The following SEMA3G variants were observed in gnomAD, a reference collection of about 807,000 sequenced individuals.
The protein encoded by SEMA3G is semaphorin 3G.
SEMA3G carries 70 observed loss-of-function variants against 86.2 expected under a neutral mutation model. That is an observed-to-expected ratio of 0.81 (90% confidence interval 0.67 to 0.99). The LOEUF is 0.99. SEMA3G is among the 50% of genes least tolerant of loss of function. SEMA3G has a pLI of 0.00. For missense variants in SEMA3G, 1,002 were observed against 1,072.4 expected (o/e 0.93, Z 0.92); for synonymous variants, 416 against 441.4 (o/e 0.94, Z 0.72).
Position 52,435,474 on chromosome 3 carries a change from G to T in SEMA3G, c.*129C>A. On this transcript the variant is annotated 3_prime_UTR_variant, in exon 16 of 16. Transcript: ENST00000231721. ...ATTAGACCCCAGTAGCGGTGTGGGGGCAGAGACACCTGTCTCTAAGAGGCA... is the reference window on the plus strand; with the variant it reads ...ATTAGACCCCAGTAGCGGTGTGGGGTCAGAGACACCTGTCTCTAAGAGGCA... 1.2e-6 allele frequency: 1 copy of T among 849,402 alleles called. No homozygotes were observed. The highest frequency in any genetic ancestry group is 1.8e-6 in the Non-Finnish European group (1 of 544,578). 52.6% of individuals were successfully genotyped at this position (849,402 alleles called of 1,614,324 possible).
intron 4 of SEMA3G, 69 bp from the exon 5 acceptor site, chr3:52,441,978 C>T: frequency 7.3e-7 from 1 of 1,376,448 alleles, no homozygotes; most frequent in Non-Finnish European, 1.0e-6. Context: ...CACACCCAAG[C>T]AGGAGCCCTC....
Position 52,442,286 on chromosome 3 carries a change from C to T in SEMA3G, c.358G>A (p.Val120Met), listed in dbSNP as rs200952645. 169 of 1,613,468 alleles carry T rather than the reference C, an allele frequency of 1.0e-4. No individual in the cohort carries two copies. Among genetic ancestry groups the T allele is most frequent in the Admixed American group, 2.7e-4 (16 of 59,978 alleles). ...CGGTTGTGAGGCTGTAGCACCCGCA[C>T]GAAGTTGGCGCACTCTGTCTGCGGG... ...RDPLTECANFVRVLQPHNRTH... is the reference protein window; with the variant it reads ...RDPLTECANFMRVLQPHNRTH... Residue 120 changes from valine to methionine, a missense_variant, in exon 4 of 16, where the codon GTG becomes ATG. Physicochemically the swap from Val to Met is conservative, Grantham distance 21. Transcript: ENST00000231721. This position sits in a 1 kb window ranked among gnomAD's most constrained non-coding sequence, Gnocchi z 6.1.
chr3:52,435,592 T>A lies in SEMA3G; in HGVS notation c.*11A>T, dbSNP rs1448745610. The A allele has an allele frequency of 1.2e-6, 2 of 1,603,286 alleles. No individual in the cohort carries two copies. Among genetic ancestry groups the A allele is most frequent in the East Asian group, 4.5e-5 (2 of 44,724 alleles). On this transcript the variant is annotated 3_prime_UTR_variant, in exon 16 of 16. Transcript: ENST00000231721. ...CCCAGCCCATCCTGACCACCCCTCC[T>A]CTGCCCCCTTCTACGTGGCCTCCAC... is the stretch of plus-strand genomic sequence containing the variant.
chr3:52,438,343 G>C, intron 13 of SEMA3G, 144 bp from the exon 14 acceptor site: 1 of 1,419,818 alleles, frequency 7.0e-7, no homozygotes, highest in Non-Finnish European at 9.4e-7. Flanking sequence ...AAAACAAAAA[G>C]TGTTTATCAC....
At position 52,444,911 on chromosome 3, in the gene SEMA3G, A is replaced by G. The variant is rs545170900; in HGVS notation, c.115+2T>C. On this transcript the variant is annotated splice_donor_variant, in intron 1 of 15. Coordinates refer to ENST00000231721, the MANE Select transcript of SEMA3G (RefSeq NM_020163.3). LOFTEE classifies it high-confidence loss of function. Reference sequence around the variant, plus strand: ...ACAAACAGGGCACGCAGGGGCTGGTACCTCGGTAGGAGAGCCGCAGGCGGG... The same window carrying G: ...ACAAACAGGGCACGCAGGGGCTGGTGCCTCGGTAGGAGAGCCGCAGGCGGG... 7 of 1,303,212 alleles carry G rather than the reference A, an allele frequency of 5.4e-6. No homozygotes were observed. Among genetic ancestry groups the G allele is most frequent in the Non-Finnish European group, 6.9e-6 (7 of 1,020,444 alleles). 80.7% of individuals were successfully genotyped at this position (1,303,212 alleles called of 1,614,324 possible). A position where few individuals can be genotyped will look rare whatever the true frequency, so the allele number is the denominator to read the frequency against.
chr3:52,433,895 A>G lies in SEMA3G; in HGVS notation c.*1708T>C, dbSNP rs1017671002. The G allele has an allele frequency of 2.0e-5, 3 of 152,224 alleles. No individual in the cohort carries two copies. The highest frequency in any genetic ancestry group is 7.3e-5 in the African/African-American group (3 of 41,352). 9.4% of individuals were successfully genotyped at this position (152,224 alleles called of 1,614,324 possible). A position where few individuals can be genotyped will look rare whatever the true frequency, so the allele number is the denominator to read the frequency against. On this transcript the variant is annotated 3_prime_UTR_variant, in exon 16 of 16. Transcript: ENST00000231721. ...CCTTGACCAGCTGACCTCCCAGCAG[A>G]CAGCACCGCAGGCTGGAAGGCTTCT...
chr3:52,439,267 C>T (rs1056414309), intron 12 of SEMA3G, among the ~76,000 whole-genome samples: 1 of 152,140 alleles, frequency 6.6e-6, no homozygotes, highest in Non-Finnish European at 1.5e-5. Flanking sequence ...GTCCAGGAGG[C>T]ACAACAGGCC....
intron 12 of SEMA3G, 30 bp downstream of exon 12, chr3:52,439,650 G>C: frequency 4.5e-6 from 7 of 1,571,706 alleles, no homozygotes; most frequent in Non-Finnish European, 6.1e-6. Context: ...ATGGGGCTTG[G>C]AGGGACCCTT....
In SEMA3G at chr3:52,440,491, C is replaced by T; in HGVS notation, c.1029G>A (p.Val343=). ...CCTCCCAGATGTCTGCCATGTGGTACACACAGACGGCGAAGCCCTGGAACA... is the reference window on the plus strand; with the variant it reads ...CCTCCCAGATGTCTGCCATGTGGTATACACAGACGGCGAAGCCCTGGAACA... ...SAVFQGFAVC[V]YHMADIWEVF... Residue 343 remains valine, a synonymous_variant, in exon 10 of 16, where the codon GTG becomes GTA. Transcript: ENST00000231721. The T allele has an allele frequency of 6.2e-7, 1 of 1,611,670 alleles. No homozygotes were observed. Among genetic ancestry groups the T allele is most frequent in the Non-Finnish European group, 8.5e-7 (1 of 1,179,466 alleles).
rs765647984 is a variant in SEMA3G at position 52,441,002 on chromosome 3, A to G, written c.860T>C (p.Phe287Ser). The G allele has an allele frequency of 1.9e-6, 3 of 1,605,062 alleles. No homozygotes were observed. The highest frequency in any genetic ancestry group is 1.7e-4 in the Middle Eastern group (1 of 6,056). ...CGAGCAGACCAGCCTGGCCTTGAGGAAAGTGCTCCATTTGTTCACCAGCAC... is the reference window on the plus strand; with the variant it reads ...CGAGCAGACCAGCCTGGCCTTGAGGGAAGTGCTCCATTTGTTCACCAGCAC... Reference protein sequence around the residue: ...QRVLVNKWSTFLKARLVCSVP... With the variant: ...QRVLVNKWSTSLKARLVCSVP... Residue 287 changes from phenylalanine to serine, a missense_variant, in exon 8 of 16, where the codon TTC (phenylalanine) becomes TCC (serine). By Grantham distance (155) the Phe-to-Ser change is radical (BLOSUM62 -2). Transcript: ENST00000231721.
chr3:52,439,157 C>T (rs1313094354), intron 12 of SEMA3G, among the ~76,000 whole-genome samples, 196 bp from the exon 13 acceptor site: 1 of 152,158 alleles, frequency 6.6e-6, no homozygotes, highest in East Asian at 1.9e-4. Flanking sequence ...CATGGCTGGC[C>T]TCCAAGCAGG....
rs371677116 is a variant in SEMA3G at position 52,441,334 on chromosome 3, G to A, written c.743C>T (p.Ser248Leu). 41 of 1,613,836 alleles carry A rather than the reference G, an allele frequency of 2.5e-5. No homozygotes were observed. Among genetic ancestry groups the A allele is most frequent in the Middle Eastern group, 1.6e-4 (1 of 6,062 alleles). The change falls in exon 7 of 16, where the codon TCG (serine) becomes TTG (leucine). Residue 248 changes from serine to leucine, a missense_variant. Transcript: ENST00000231721. ...ACCATCGGGCGAGGGGACCGTCTCC[G>A]AGAAGAAGAAGTACACCTTGTCATT... The part of the protein sequence containing the change: ...QDNDKVYFFF[S>L]ETVPSPDGGS...
At chr3:52,440,203 G>T in intron 10 of SEMA3G, 105 bp from the exon 11 acceptor site, 1 of 1,220,820 alleles carries the variant, frequency 8.2e-7, no homozygotes, top group Non-Finnish European at 1.1e-6. Flanking sequence ...CTCACTGCAG[G>T]AGGGCTCTCC....
At chr3:52,439,542 C>T (rs1706106349) in intron 12 of SEMA3G, 138 bp downstream of exon 12, 1 of 689,084 alleles carries the variant, frequency 1.5e-6, no homozygotes, top group East Asian at 2.7e-5. Flanking sequence ...TTTCTGCATC[C>T]CCTCCCCAGC....
In SEMA3G at chr3:52,436,386, T is replaced by C. The variant is rs554491062; in HGVS notation, c.1879-313A>G. On this transcript the variant is annotated intron_variant, in intron 15 of 15. Coordinates refer to ENST00000231721, the MANE Select transcript of SEMA3G (RefSeq NM_020163.3). ...CCCTGGCACACATTCCCAAGGAACA[T>C]AGGGGCTAAGATGTTATCCCCTTAG... 7.0e-4 allele frequency among the ~76,000 whole-genome samples: 106 copies of C among 152,362 alleles called. 3 individuals carry two copies. The highest frequency in any genetic ancestry group is 8.9e-4 in the African/African-American group (37 of 41,594).
In SEMA3G at chr3:52,440,451, AG is replaced by A; in HGVS notation, c.1068del (p.Phe357LeufsTer30). Reference sequence around the variant, plus strand: ...TGCTGAGGCCCATCTCGGTGGGCAAAGGGCCCGTTGAAAACCTCCCAGATGT... The same window carrying A: ...TGCTGAGGCCCATCTCGGTGGGCAAAGGCCCGTTGAAAACCTCCCAGATGT... The part of the protein sequence containing the change: ...MADIWEVFNG[P>X]FAHRDGPQHQ... On this transcript the variant is annotated frameshift_variant, in exon 10 of 16. Transcript: ENST00000231721. LOFTEE classifies it high-confidence loss of function. The A allele has an allele frequency of 6.3e-7, 1 of 1,578,910 alleles. No homozygotes were observed. The highest frequency in any genetic ancestry group is 1.1e-5 in the South Asian group (1 of 88,064).
rs1481071394 is a variant in SEMA3G at position 52,440,842 on chromosome 3, T to C, written c.929-19A>G. 1 of 1,609,520 alleles carries C rather than the reference T, an allele frequency of 6.2e-7. No homozygotes were observed. The highest frequency in any genetic ancestry group is 8.5e-7 in the Non-Finnish European group (1 of 1,178,650). ...ACATCCTCTGGGGTAGAGAAAGGAG[T>C]ATGAGTGTCATGGCCACCGCCAATG... On this transcript the variant is annotated intron_variant, in intron 8 of 15. Coordinates refer to ENST00000231721, the MANE Select transcript of SEMA3G (RefSeq NM_020163.3).
In SEMA3G at chr3:52,440,090, G is replaced by T. The variant is rs1442694747; in HGVS notation, c.1152C>A (p.Ser384Arg). Residue 384 changes from serine (S) to arginine (R), a missense_variant, in exon 11 of 16, where the codon AGC (serine) becomes AGA (arginine). Physicochemically the swap from Ser to Arg is moderately radical, Grantham distance 110 (BLOSUM62 -1). Transcript: ENST00000231721. ...GCCGTCCTGGCTGTGCGGTCATCTT[G>T]CTGGGGCACTGTGGGCAGCAGGGAA... Reference protein sequence around the residue: ...VPFPRPGVCPSKMTAQPGRPF... With the variant: ...VPFPRPGVCPRKMTAQPGRPF... 3 of 1,579,922 alleles carry T rather than the reference G, an allele frequency of 1.9e-6. No homozygotes were observed. The African/African-American group carries it at 4.1e-5, about 21-fold the overall frequency.
chr3:52,437,206 C>T (rs1157397349), intron 15 of SEMA3G, among the ~76,000 whole-genome samples: 1 of 152,140 alleles, frequency 6.6e-6, no homozygotes, highest in African/African-American at 2.4e-5. Context: ...AACCAAGAAC[C>T]CCTGGAGAAG....
Sources: allele counts gnomAD v4.1 joint callset (sites outside exome capture counted in the v4.1 genomes callset), GRCh38; gene constraint gnomAD v4.1.1; non-coding constraint Gnocchi (gnomAD v3.1); transcripts MANE v1.5; gene names NCBI Gene and HGNC (gene_info 2026-07-23, HGNC 2026-07-21).